RNFT2: variants seen among roughly 807,000 people sequenced by gnomAD.
RNFT2 encodes ring finger protein, transmembrane 2, also known as E3 ubiquitin-protein ligase RNFT2.
Under a neutral mutation model 53.0 loss-of-function variants are expected in RNFT2, and 36 were observed. That is an observed-to-expected ratio of 0.68 (90% CI 0.52 to 0.90). The LOEUF (loss-of-function observed/expected upper bound fraction) is 0.90, where lower values mean the gene tolerates loss of function less well. Ranked by LOEUF, RNFT2 falls within the 40% of genes least tolerant of loss-of-function variation. The probability of loss-of-function intolerance (pLI) is 0.00; values close to 1 mark genes in which losing one functional copy is unlikely to be tolerated. For missense variants in RNFT2, 514 were observed against 585.6 expected, an observed-to-expected ratio of 0.88 and a Z score of 1.26; for synonymous variants, 260 against 253.2, an observed-to-expected ratio of 1.03 and a Z score of -0.26.
rs773378544 is a variant in RNFT2 at position 116,750,087 on chromosome 12, C to T, written c.330C>T (p.Arg110=). 6.5e-7 allele frequency: 1 copy of T among 1,550,314 alleles called. No individual in the cohort carries two copies. Among genetic ancestry groups the T allele is most frequent in the Non-Finnish European group, 8.7e-7 (1 of 1,152,658 alleles). ...GRGEGGAYHH[R]QPHHHFHHGG... ...GCGAGGGGGGCGCCTACCACCACCG[C>T]CAGCCCCACCACCATTTCCACCATG... The change falls in exon 4 of 11, where the codon CGC becomes CGT. Residue 110 remains arginine (R), a synonymous_variant. Coordinates refer to ENST00000257575, the MANE Select transcript of RNFT2 (RefSeq NM_001382266.1).
At chr12:116,848,979 C>T (rs959553129) in intron 10 of RNFT2, among the ~76,000 whole-genome samples, 3 of 151,906 alleles carry the variant, frequency 2.0e-5, no homozygotes, top group Admixed American at 6.6e-5. Flanking sequence ...CCACCACGCC[C>T]GGCTAATTTT....
intron 10 of RNFT2, among the ~76,000 whole-genome samples, chr12:116,840,142 T>C (rs1196591885): frequency 6.6e-6 from 1 of 152,198 alleles, no homozygotes; most frequent in Non-Finnish European, 1.5e-5. Flanking sequence ...CTCCAATTCT[T>C]GGTCACTATG....
chr12:116,847,727 A>G lies in RNFT2; in HGVS notation c.1201-1587A>G, dbSNP rs1459497441. ...TTTTTAGTAGAGATGGGGTTTCTCC[A>G]TGTTGGTCAGGCTGGTCTCAAACTC... On this transcript the variant is annotated intron_variant, in intron 10 of 10. Transcript: ENST00000257575. 5.3e-5 allele frequency among the ~76,000 whole-genome samples: 8 copies of G among 152,168 alleles called. No homozygotes were observed. The East Asian group carries it at 1.5e-3, about 29-fold the overall frequency.
At chr12:116,740,829 A>C (rs1871569920) in intron 2 of RNFT2, 1 of 629,628 alleles carries the variant, frequency 1.6e-6, no homozygotes, top group Non-Finnish European at 2.9e-6. Flanking sequence ...TCCTCTGTGA[A>C]ATGGGGTGAT....
intron 7 of RNFT2, among the ~76,000 whole-genome samples, chr12:116,793,393 C>T (rs530724437): frequency 6.6e-6 from 1 of 152,032 alleles, no homozygotes; most frequent in East Asian, 1.9e-4. Context: ...CACTGTCTTG[C>T]CCCAGGCTGG....
At chr12:116,782,863 C>T (rs1450938134) in intron 7 of RNFT2, among the ~76,000 whole-genome samples, 3 of 152,100 alleles carry the variant, frequency 2.0e-5, no homozygotes, top group African/African-American at 7.2e-5. Context: ...TAGACTAGAC[C>T]ACTCCTTGTT....
In RNFT2 at chr12:116,804,865, G is replaced by A. The variant is rs201661781; in HGVS notation, c.882+25517G>A. Among the ~76,000 whole-genome samples the A allele has an allele frequency of 1.2e-4, 19 of 152,300 alleles. No homozygotes were observed. In the East Asian group the frequency reaches 2.1e-3, roughly 17 times the overall value. On this transcript the variant is annotated intron_variant, in intron 7 of 10. Transcript: ENST00000257575. ...GCCTGTAGTTCCAGCTATTCAGGAA[G>A]CCGAAGTGGGAGGATTGCTTGAGCC...
rs1877818655 is a variant in RNFT2, at chr12:116,849,786, CT to C, written c.*342del. ...GTTGGTTATTTTCTCTTTCTTTTTT[CT>C]TTTCTTTTCTTTCTCTCTCTCTCTG... On this transcript the variant is annotated 3_prime_UTR_variant, in exon 11 of 11. Coordinates refer to ENST00000257575, the MANE Select transcript of RNFT2 (RefSeq NM_001382266.1). The C allele has an allele frequency of 9.8e-7, 1 of 1,020,110 alleles. No homozygotes were observed. 63.2% of individuals were successfully genotyped at this position (1,020,110 alleles called of 1,614,324 possible). A position where few individuals can be genotyped will look rare whatever the true frequency, so the allele number is the denominator to read the frequency against.
chr12:116,793,555 C>T (rs1158949262), intron 7 of RNFT2, among the ~76,000 whole-genome samples: 1 of 152,180 alleles, frequency 6.6e-6, no homozygotes, highest in Non-Finnish European at 1.5e-5. Context: ...ACCTCTCCGA[C>T]ATCATCACCC....
In RNFT2 at chr12:116,839,912, G is replaced by A. The variant is rs58861983; in HGVS notation, c.1200+3630G>A. 8.8e-3 allele frequency among the ~76,000 whole-genome samples: 1,336 copies of A among 152,274 alleles called. 25 individuals carry two copies. Among genetic ancestry groups the A allele is most frequent in the African/African-American group, 0.031 (1,276 of 41,542 alleles). ...CTCAGGAAGCAGATTGTTAATTGAA[G>A]CTGGTTGGGCAGACACTGAGCATGT... On this transcript the variant is annotated intron_variant, in intron 10 of 10. Coordinates refer to ENST00000257575, the MANE Select transcript of RNFT2 (RefSeq NM_001382266.1).
intron 7 of RNFT2, among the ~76,000 whole-genome samples, chr12:116,786,500 T>C (rs888098345): frequency 2.0e-5 from 3 of 151,992 alleles, no homozygotes; most frequent in Non-Finnish European, 2.9e-5. Flanking sequence ...ACTCCAGCTC[T>C]ACCTCAAAGG....
At chr12:116,834,004 AG>A in intron 8 of RNFT2, 63 bp downstream of exon 8, 2 of 1,456,974 alleles carry the variant, frequency 1.4e-6, no homozygotes, top group Admixed American at 5.7e-5. Flanking sequence ...GTCAGGCCTC[AG>A]GGGGCTCCTG....
chr12:116,797,708 C>T (rs1874570966), intron 7 of RNFT2, among the ~76,000 whole-genome samples: 1 of 151,772 alleles, frequency 6.6e-6, no homozygotes, highest in Admixed American at 6.6e-5. Flanking sequence ...GGCGTTACAG[C>T]TCAGGCAGTG....
intron 5 of RNFT2, among the ~76,000 whole-genome samples, chr12:116,755,015 T>A (rs1486698773): frequency 6.6e-6 from 1 of 152,234 alleles, no homozygotes; most frequent in African/African-American, 2.4e-5. Context: ...TTTATCTTTG[T>A]TTTTATTGCA....
chr12:116,802,932 C>CAA (rs60974249), intron 7 of RNFT2, among the ~76,000 whole-genome samples: 2,965 of 140,872 alleles, frequency 0.021, 107 homozygotes, highest in African/African-American at 0.072. Flanking sequence ...CTGTCTCTAC[C>CAA]AAAAAAAAAA....
chr12:116,835,678 G>A (rs926630058), intron 8 of RNFT2, among the ~76,000 whole-genome samples: 3 of 152,182 alleles, frequency 2.0e-5, no homozygotes, highest in East Asian at 1.9e-4. Flanking sequence ...TGCTGTGATC[G>A]ATTATCAATG....
At chr12:116,795,333 A>G (rs1242360890) in intron 7 of RNFT2, among the ~76,000 whole-genome samples, 1 of 151,778 alleles carries the variant, frequency 6.6e-6, no homozygotes, top group East Asian at 1.9e-4. Flanking sequence ...GCTTGAACCC[A>G]GGAGGCAGAG....
At chr12:116,823,295 C>T (rs569515737) in intron 7 of RNFT2, among the ~76,000 whole-genome samples, 1 of 152,230 alleles carries the variant, frequency 6.6e-6, no homozygotes, top group Non-Finnish European at 1.5e-5. Context: ...GGGAGAGCAG[C>T]TTGCCCAAAG....
intron 6 of RNFT2, among the ~76,000 whole-genome samples, chr12:116,769,417 C>T (rs991986088): frequency 6.6e-6 from 1 of 152,180 alleles, no homozygotes; most frequent in African/African-American, 2.4e-5. Context: ...TAGGAGATTA[C>T]AGCTCCATGG....
Sources: allele counts gnomAD v4.1 joint callset (sites outside exome capture counted in the v4.1 genomes callset), GRCh38; gene constraint gnomAD v4.1.1; transcripts MANE v1.5; gene names NCBI Gene and HGNC (gene_info 2026-07-23, HGNC 2026-07-21).